Variants in IGSF10 observed in about 807,000 individuals in gnomAD.
IGSF10 encodes calvaria mechanical force protein 608.
IGSF10 carries 126 observed loss-of-function variants against 128.2 expected under a neutral mutation model. The observed-to-expected ratio is 0.98, with a 90% CI of 0.85 to 1.14. The LOEUF is 1.14. Ranked by LOEUF, IGSF10 falls within the 50% of genes most tolerant of loss-of-function variation. The pLI is 0.00. For synonymous variants in IGSF10, 1,185 were observed against 1,146.2 expected (o/e 1.03, Z -0.68); for missense variants, 3,295 against 3,149.8 (o/e 1.05, Z -1.10).
chr3:151,533,728 C>G, the IGSF10 span, among the ~76,000 whole-genome samples: 2 of 152,198 alleles, frequency 1.3e-5, no homozygotes, highest in African/African-American at 4.8e-5. Context: ...CAATACCATT[C>G]AGGACATAGG....
At chr3:151,521,042 CA>C in the IGSF10 span, among the ~76,000 whole-genome samples, 5 of 151,724 alleles carry the variant, frequency 3.3e-5, no homozygotes, top group Non-Finnish European at 5.9e-5. Flanking sequence ...AAAAATTTAC[CA>C]AGCAAATGGA....
the IGSF10 span, among the ~76,000 whole-genome samples, chr3:151,482,313 G>T: frequency 6.6e-6 from 1 of 152,020 alleles, no homozygotes; most frequent in Non-Finnish European, 1.5e-5. Context: ...ACCAGAAAAG[G>T]AATTCATGAC....
chr3:151,574,529 T>G, the IGSF10 span, among the ~76,000 whole-genome samples: 3 of 152,252 alleles, frequency 2.0e-5, no homozygotes, highest in Non-Finnish European at 2.9e-5. Context: ...AGCTTGTGTA[T>G]GCATCACATA....
the IGSF10 span, among the ~76,000 whole-genome samples, chr3:151,510,736 T>C: frequency 6.6e-6 from 1 of 152,032 alleles, no homozygotes. Flanking sequence ...GATGAATGGC[T>C]AACTAGAATA....
chr3:151,592,171 C>G, the IGSF10 span, among the ~76,000 whole-genome samples: 2 of 151,512 alleles, frequency 1.3e-5, no homozygotes, highest in African/African-American at 4.9e-5. Context: ...GCCTCAGTTT[C>G]CTTACCTATT....
Position 151,448,089 on chromosome 3 carries a change from C to T in IGSF10, c.1892G>A (p.Arg631Lys). The change falls in exon 6 of 8, where the codon AGA (arginine) becomes AAA (lysine). Residue 631 changes from arginine (R) to lysine (K), a missense_variant. Transcript: ENST00000282466. ...GTCTTTCGGGGTGACCTGTAATATT[C>T]TTAATGTGCCATTGTTTAGAACTTT... Reference protein sequence around the residue: ...DKKVLNNGTLRILQVTPKDQG... With the variant: ...DKKVLNNGTLKILQVTPKDQG... 1 of 1,614,188 alleles carries T rather than the reference C, an allele frequency of 6.2e-7. No individual in the cohort carries two copies. The highest frequency in any genetic ancestry group is 8.5e-7 in the Non-Finnish European group (1 of 1,180,038).
At chr3:151,485,254 AAAG>A in the IGSF10 span, among the ~76,000 whole-genome samples, 3 of 152,182 alleles carry the variant, frequency 2.0e-5, no homozygotes, top group Non-Finnish European at 2.9e-5. Context: ...ATTAAAAAAA[AAAG>A]AGTGAAAAGA....
the IGSF10 span, among the ~76,000 whole-genome samples, chr3:151,466,940 A>G: frequency 2.0e-5 from 3 of 152,048 alleles, no homozygotes; most frequent in Middle Eastern, 3.4e-3. Context: ...GATGGTCGAA[A>G]TGAGGAAGTT....
chr3:151,605,457 G>T, the IGSF10 span, among the ~76,000 whole-genome samples: 1 of 151,942 alleles, frequency 6.6e-6, no homozygotes, highest in Non-Finnish European at 1.5e-5. Flanking sequence ...AGGTATGTCG[G>T]GCTTGTTAAA....
chr3:151,541,094 T>C, the IGSF10 span, among the ~76,000 whole-genome samples: 2 of 152,158 alleles, frequency 1.3e-5, no homozygotes, highest in Admixed American at 1.3e-4. Flanking sequence ...CCGTTTAAGG[T>C]TAAAAAAACA....
chr3:151,610,810 C>T, the IGSF10 span, among the ~76,000 whole-genome samples: 1 of 152,162 alleles, frequency 6.6e-6, no homozygotes, highest in African/African-American at 2.4e-5. Flanking sequence ...ATGTGAGACA[C>T]AGAGAAAATG....
At chr3:151,603,438 T>G in the IGSF10 span, among the ~76,000 whole-genome samples, 6 of 152,234 alleles carry the variant, frequency 3.9e-5, no homozygotes, top group Admixed American at 3.9e-4. Context: ...GTAAATTTTA[T>G]TTCAGTTCTT....
rs1341445720 is a variant in IGSF10 at position 151,445,640 on chromosome 3, G to A, written c.4341C>T (p.His1447=). Residue 1447 remains histidine (H), a synonymous_variant, in exon 6 of 8, where the codon CAC becomes CAT. Coordinates refer to ENST00000282466, the MANE Select transcript of IGSF10 (RefSeq NM_178822.5). ...TTGCTTTCCTAGTTGTGGTACTCTG[G>A]TGTGATTTGCTGGACAAAGTTGTTT... ...ASETTLSSKS[H]QSTTTRKAII... 2 of 1,614,206 alleles carry A rather than the reference G, an allele frequency of 1.2e-6. No homozygotes were observed. Among genetic ancestry groups the A allele is most frequent in the Non-Finnish European group, 1.7e-6 (2 of 1,180,040 alleles).
At chr3:151,452,988 G>T (rs1315077420) in intron 5 of IGSF10, among the ~76,000 whole-genome samples, 12 of 152,004 alleles carry the variant, frequency 7.9e-5, no homozygotes, top group Non-Finnish European at 5.9e-5. Context: ...GAGTTGTTAA[G>T]AGCAAAAACT....
chr3:151,586,287 T>C, the IGSF10 span, among the ~76,000 whole-genome samples: 1 of 152,166 alleles, frequency 6.6e-6, no homozygotes, highest in Non-Finnish European at 1.5e-5. Context: ...GGACAACATA[T>C]ACATTATGAT....
the IGSF10 span, among the ~76,000 whole-genome samples, chr3:151,480,574 G>C: frequency 1.3e-4 from 20 of 152,090 alleles, no homozygotes; most frequent in South Asian, 2.1e-4. Context: ...GGCACAGTTA[G>C]AGTGCATGCT....
chr3:151,464,369 T>C (rs1181100826), upstream of IGSF10, among the ~76,000 whole-genome samples: 1 of 152,206 alleles, frequency 6.6e-6, no homozygotes, highest in African/African-American at 2.4e-5. Context: ...ACCTTTTATA[T>C]CACCCCTGAG....
chr3:151,619,479 G>A, the IGSF10 span, among the ~76,000 whole-genome samples: 10 of 144,650 alleles, frequency 6.9e-5, no homozygotes, highest in Non-Finnish European at 9.2e-5. Context: ...TGTGTATGTA[G>A]TGGAAAAACA....
At chr3:151,533,837 C>T in the IGSF10 span, among the ~76,000 whole-genome samples, 220 of 152,266 alleles carry the variant, frequency 1.4e-3, no homozygotes, top group Non-Finnish European at 2.3e-3. Context: ...TACTTCACAG[C>T]AAAAGAAGCT....
Sources: gnomAD v4.1 joint callset for allele counts (sites outside exome capture counted in the v4.1 genomes callset) on GRCh38, gnomAD v4.1.1 for gene constraint, MANE v1.5 for transcripts, NCBI Gene and HGNC (gene_info 2026-07-23, HGNC 2026-07-21) for gene names.